Variants in CLDND1 observed in about 807,000 individuals in gnomAD.
CLDND1 encodes claudin domain containing 1, also known as claudin domain-containing protein 1.
A neutral mutation model predicts 26.3 loss-of-function variants in CLDND1; 13 were observed. The ratio of observed to expected loss-of-function variants is 0.49; its 90% CI spans 0.32 to 0.78. The LOEUF (loss-of-function observed/expected upper bound fraction) is 0.78, where lower values mean the gene tolerates loss of function less well. Ranked by LOEUF, CLDND1 falls within the 30% of genes least tolerant of loss-of-function variation. CLDND1 has a pLI of 0.03. For missense variants in CLDND1, 289 were observed against 312.8 expected (o/e 0.92, Z 0.57); for synonymous variants, 107 against 107.0 (o/e 1.00, Z 0.00).
rs1706118808 is a variant in CLDND1, at chr3:98,515,886, G to A, written c.*773C>T. On this transcript the variant is annotated 3_prime_UTR_variant, in exon 5 of 5. Coordinates refer to ENST00000341181, the MANE Select transcript of CLDND1 (RefSeq NM_001040181.2). ...TTTTACCTTGTAACTGTAATATAAT[G>A]TAAAAAGAAAGCACACTTTTAATAA... The A allele has an allele frequency of 1.6e-6, 2 of 1,281,222 alleles. No individual in the cohort carries two copies. Among genetic ancestry groups the A allele is most frequent in the Admixed American group, 4.7e-5 (2 of 42,958 alleles). The allele number at this position is 1,281,222 out of a possible 1,614,324, so 79.4% of individuals were successfully genotyped here.
intron 1 of CLDND1, 182 bp from the exon 2 acceptor site, chr3:98,521,624 A>T (rs1381925945): frequency 6.3e-7 from 1 of 1,593,522 alleles, no homozygotes; most frequent in East Asian, 2.2e-5. Context: ...ACTCATTCTC[A>T]TAAAAGTACT....
At chr3:98,521,662 T>C in intron 1 of CLDND1, 3 of 1,612,400 alleles carry the variant, frequency 1.9e-6, no homozygotes, top group Non-Finnish European at 2.5e-6. Context: ...CCCAGGATGC[T>C]ACGGAGACAG....
Position 98,522,872 on chromosome 3 carries a change from C to G in CLDND1, c.-42G>C. The G allele has an allele frequency of 6.2e-7, 1 of 1,613,742 alleles. No homozygotes were observed. The highest frequency in any genetic ancestry group is 2.2e-5 in the East Asian group (1 of 44,854). On this transcript the variant is annotated 5_prime_UTR_variant, in exon 1 of 5. Coordinates refer to ENST00000341181, the MANE Select transcript of CLDND1 (RefSeq NM_001040181.2). ...ACCGCCCATCCTCCTGCTCCGCCAG[C>G]TTCACCCTCTAGCTCAGACCACAGC...
chr3:98,517,265 T>C lies in CLDND1; in HGVS notation c.404-76A>G, dbSNP rs570832151. 11 of 1,497,544 alleles carry C rather than the reference T, an allele frequency of 7.3e-6. No individual in the cohort carries two copies. In the African/African-American group the frequency reaches 1.5e-4, roughly 21 times the overall value. The allele number at this position is 1,497,544 out of a possible 1,614,324, so 92.8% of individuals were successfully genotyped here. On this transcript the variant is annotated intron_variant, in intron 3 of 4. Coordinates refer to ENST00000341181, the MANE Select transcript of CLDND1 (RefSeq NM_001040181.2). ...TTCCCCGCAATGGCAATTTCTTTCA[T>C]ATTCTAATTAGATCTTTTCTCAAAA... is the stretch of plus-strand genomic sequence containing the variant.
chr3:98,519,253 C>T (rs1378313086), intron 2 of CLDND1, among the ~76,000 whole-genome samples: 1 of 152,056 alleles, frequency 6.6e-6, no homozygotes, highest in African/African-American at 2.4e-5. Flanking sequence ...ATGTAGAAAG[C>T]CTAGGAAGAA....
At position 98,521,773 on chromosome 3, in the gene CLDND1, AGTGTACC is replaced by A. The variant is rs1462239418; in HGVS notation, c.-18-338_-18-332del. 8.8e-5 allele frequency: 114 copies of A among 1,301,152 alleles called. No homozygotes were observed. In the East Asian group the frequency reaches 2.4e-3, roughly 27 times the overall value. 80.6% of individuals were successfully genotyped at this position (1,301,152 alleles called of 1,614,324 possible). A position where few individuals can be genotyped will look rare whatever the true frequency, so the allele number is the denominator to read the frequency against. ...AACAATAGACATGCCCATGGTCAGCAGTGTACCGTGCACACATTTTAAATTACAGACT... is the reference window on the plus strand; with the variant it reads ...AACAATAGACATGCCCATGGTCAGCAGTGCACACATTTTAAATTACAGACT... On this transcript the variant is annotated intron_variant, in intron 1 of 4. Transcript: ENST00000341181.
rs1008781477 is a variant in CLDND1 at position 98,516,331 on chromosome 3, A to G, written c.*328T>C. 15 of 1,076,386 alleles carry G rather than the reference A, an allele frequency of 1.4e-5. 1 individual carries two copies. The Admixed American group carries it at 4.4e-4, about 31-fold the overall frequency. The allele number at this position is 1,076,386 out of a possible 1,614,324, so 66.7% of individuals were successfully genotyped here. On this transcript the variant is annotated 3_prime_UTR_variant, in exon 5 of 5. Coordinates refer to ENST00000341181, the MANE Select transcript of CLDND1 (RefSeq NM_001040181.2). ...AGATACAGTTACTTTAGTTTTACTG[A>G]AAAGTCTAACAGACATTAGCACAAC...
In CLDND1 at chr3:98,519,011, T is replaced by C. The variant is rs776517718; in HGVS notation, c.293-16A>G. The C allele has an allele frequency of 4.7e-5, 64 of 1,361,568 alleles. 1 individual carries two copies. The highest frequency in any genetic ancestry group is 4.4e-4 in the South Asian group (36 of 81,990). The allele number at this position is 1,361,568 out of a possible 1,614,324, so 84.3% of individuals were successfully genotyped here. A position where few individuals can be genotyped will look rare whatever the true frequency, so the allele number is the denominator to read the frequency against. On this transcript the variant is annotated splice_polypyrimidine_tract_variant and intron_variant, in intron 2 of 4. Coordinates refer to ENST00000341181, the MANE Select transcript of CLDND1 (RefSeq NM_001040181.2). Reference sequence around the variant, plus strand: ...TCAAATGACTCTGGAACAAGAACAATTGCCTGTTGTTTTAATTATAAACAT... The same window carrying C: ...TCAAATGACTCTGGAACAAGAACAACTGCCTGTTGTTTTAATTATAAACAT...
chr3:98,515,633 A>T lies in CLDND1; in HGVS notation c.*1026T>A, dbSNP rs2107137614. The T allele has an allele frequency of 1.8e-6, 2 of 1,135,590 alleles. No individual in the cohort carries two copies. Among genetic ancestry groups the T allele is most frequent in the South Asian group, 1.9e-5 (1 of 52,302 alleles). The allele number at this position is 1,135,590 out of a possible 1,614,324, so 70.3% of individuals were successfully genotyped here. A position where few individuals can be genotyped will look rare whatever the true frequency, so the allele number is the denominator to read the frequency against. The stretch of plus-strand genomic sequence containing the variant: ...GTTCAATGTTTATAGACATACTTAT[A>T]AAAAAATGACTGAATTAGAAGACAT... On this transcript the variant is annotated 3_prime_UTR_variant, in exon 5 of 5. Coordinates refer to ENST00000341181, the MANE Select transcript of CLDND1 (RefSeq NM_001040181.2).
chr3:98,517,563 T>C (rs1706200167), intron 3 of CLDND1, among the ~76,000 whole-genome samples: 1 of 152,208 alleles, frequency 6.6e-6, no homozygotes, highest in African/African-American at 2.4e-5. Flanking sequence ...AAAAAAATGA[T>C]ACAAATTTAC....
rs1295580979 is a variant in CLDND1 at position 98,516,417 on chromosome 3, C to A, written c.*242G>T. ...TCATAAATTTGTGTCAAGTCTCTATCCATTTCTTTCTGTCTAGACCTAGAT... is the reference window on the plus strand; with the variant it reads ...TCATAAATTTGTGTCAAGTCTCTATACATTTCTTTCTGTCTAGACCTAGAT... On this transcript the variant is annotated 3_prime_UTR_variant, in exon 5 of 5. Transcript: ENST00000341181. 1 of 1,260,940 alleles carries A rather than the reference C, an allele frequency of 7.9e-7. No individual in the cohort carries two copies. The allele number at this position is 1,260,940 out of a possible 1,614,324, so 78.1% of individuals were successfully genotyped here. A position where few individuals can be genotyped will look rare whatever the true frequency, so the allele number is the denominator to read the frequency against.
At position 98,521,312 on chromosome 3, in the gene CLDND1, G is replaced by A. The variant is rs1302364620; in HGVS notation, c.113C>T (p.Pro38Leu). 6.2e-7 allele frequency: 1 copy of A among 1,614,166 alleles called. No individual in the cohort carries two copies. Among genetic ancestry groups the A allele is most frequent in the South Asian group, 1.1e-5 (1 of 91,086 alleles). ...CAAATCACTGGAATTTTCTTGAACTGGACTTCGATATTCATACCAGAAGTC... is the reference window on the plus strand; with the variant it reads ...CAAATCACTGGAATTTTCTTGAACTAGACTTCGATATTCATACCAGAAGTC... ...GTDFWYEYRS[P>L]VQENSSDLNK... is the part of the protein sequence containing the mutation. Residue 38 changes from proline to leucine, a missense_variant, in exon 2 of 5, where the codon CCA (proline) becomes CTA (leucine). Physicochemically the swap from Pro to Leu is moderately conservative, Grantham distance 98. Transcript: ENST00000341181.
chr3:98,522,145 G>GA (rs1706446045), intron 1 of CLDND1: 1 of 162,612 alleles, frequency 6.1e-6, no homozygotes, highest in Non-Finnish European at 1.3e-5. Flanking sequence ...TTATACTTCT[G>GA]AACCTCCTCA....
intron 1 of CLDND1, chr3:98,521,672 G>T: frequency 6.2e-7 from 1 of 1,613,022 alleles, no homozygotes; most frequent in Non-Finnish European, 8.5e-7. Flanking sequence ...TACGGAGACA[G>T]AGGTCTTGTT....
Position 98,516,462 on chromosome 3 carries a change from C to T in CLDND1, c.*197G>A. ...CTAGATTAGTTTATTTGAAAGATGG[C>T]ATCGCTTAAAGTAAACCACATAAAT... On this transcript the variant is annotated 3_prime_UTR_variant, in exon 5 of 5. Coordinates refer to ENST00000341181, the MANE Select transcript of CLDND1 (RefSeq NM_001040181.2). 7.4e-7 allele frequency: 1 copy of T among 1,355,378 alleles called. No individual in the cohort carries two copies. The highest frequency in any genetic ancestry group is 1.5e-5 in the African/African-American group (1 of 67,780). The allele number at this position is 1,355,378 out of a possible 1,614,324, so 84.0% of individuals were successfully genotyped here. A position where few individuals can be genotyped will look rare whatever the true frequency, so the allele number is the denominator to read the frequency against.
rs761923696 is a variant in CLDND1 at position 98,522,872 on chromosome 3, C to CT, written c.-43dup. Reference sequence around the variant, plus strand: ...ACCGCCCATCCTCCTGCTCCGCCAGCTTCACCCTCTAGCTCAGACCACAGC... The same window carrying CT: ...ACCGCCCATCCTCCTGCTCCGCCAGCTTTCACCCTCTAGCTCAGACCACAGC... On this transcript the variant is annotated 5_prime_UTR_variant, in exon 1 of 5. Transcript: ENST00000341181. 3 of 1,613,624 alleles carry CT rather than the reference C, an allele frequency of 1.9e-6. No homozygotes were observed. The highest frequency in any genetic ancestry group is 4.5e-5 in the East Asian group (2 of 44,866).
chr3:98,515,926 G>A lies in CLDND1; in HGVS notation c.*733C>T, dbSNP rs1706120852. 6 of 1,220,834 alleles carry A rather than the reference G, an allele frequency of 4.9e-6. No homozygotes were observed. In the Admixed American group the frequency reaches 1.4e-4, roughly 29 times the overall value. The allele number at this position is 1,220,834 out of a possible 1,614,324, so 75.6% of individuals were successfully genotyped here. ...ACTTTTAATAACCCTGGTATGTGAA[G>A]AGGAAAGAAAAAAAATCCAAAACAA... On this transcript the variant is annotated 3_prime_UTR_variant, in exon 5 of 5. Coordinates refer to ENST00000341181, the MANE Select transcript of CLDND1 (RefSeq NM_001040181.2).
chr3:98,517,205 A>T lies in CLDND1; in HGVS notation c.404-16T>A, dbSNP rs770002603. On this transcript the variant is annotated splice_polypyrimidine_tract_variant and intron_variant, in intron 3 of 4. Coordinates refer to ENST00000341181, the MANE Select transcript of CLDND1 (RefSeq NM_001040181.2). ...CGCCAAAGATCTGATTTTTAAAAAGAGAGAAAAGAAATGTTACCGTGATTT... is the reference window on the plus strand; with the variant it reads ...CGCCAAAGATCTGATTTTTAAAAAGTGAGAAAAGAAATGTTACCGTGATTT... 1 of 1,607,416 alleles carries T rather than the reference A, an allele frequency of 6.2e-7. No individual in the cohort carries two copies. The highest frequency in any genetic ancestry group is 2.2e-5 in the East Asian group (1 of 44,858).
intron 1 of CLDND1, chr3:98,521,670 C>T (rs746582990): frequency 1.9e-6 from 3 of 1,612,944 alleles, no homozygotes; most frequent in Non-Finnish European, 2.5e-6. Flanking sequence ...GCTACGGAGA[C>T]AGAGGTCTTG....
Sources: allele counts gnomAD v4.1 joint callset (sites outside exome capture counted in the v4.1 genomes callset), GRCh38; gene constraint gnomAD v4.1.1; transcripts MANE v1.5; gene names NCBI Gene and HGNC (gene_info 2026-07-23, HGNC 2026-07-21).